Variants in TMEM231 observed in about 807,000 individuals in gnomAD.
TMEM231 encodes transmembrane protein 231.
In TMEM231, 40 loss-of-function variants were observed where a neutral mutation model predicts 38.5. The ratio of observed to expected loss-of-function variants is 1.04; its 90% CI spans 0.81 to 1.35. TMEM231 has a LOEUF of 1.35. Among genes scored for constraint, TMEM231 ranks in the 40% most tolerant of loss-of-function variants. The pLI is 0.00. For synonymous variants in TMEM231, 199 were observed against 181.7 expected (o/e 1.10, Z -0.77); for missense variants, 420 against 416.9 (o/e 1.01, Z -0.07).
In TMEM231 at chr16:75,545,443, G is replaced by A. The variant is rs925674001; in HGVS notation, c.491C>T (p.Pro164Leu). The A allele has an allele frequency of 1.2e-6, 2 of 1,603,722 alleles. No homozygotes were observed. The highest frequency in any genetic ancestry group is 1.1e-5 in the South Asian group (1 of 90,380). ...CACGTATAACTGGGATCCCGGGACA[G>A]GAAAGGAGGACTGGAGAAACGCCAT... ...QSMAFLQSSF[P>L]VPGSQLYVNG... Residue 164 changes from proline (P) to leucine (L), a missense_variant, in exon 4 of 7, where the codon CCT (proline) becomes CTT (leucine). Physicochemically the swap from Pro to Leu is moderately conservative, Grantham distance 98. Transcript: ENST00000258173.
intron 2 of TMEM231, chr16:75,546,217 A>G: frequency 2.0e-6 from 2 of 991,122 alleles, no homozygotes; most frequent in Non-Finnish European, 2.9e-6. Flanking sequence ...ACATCTGGAT[A>G]GTATTTGTGC....
At chr16:75,542,250 G>C (rs2080635770) in intron 5 of TMEM231, among the ~76,000 whole-genome samples, 1 of 148,566 alleles carries the variant, frequency 6.7e-6, no homozygotes, top group Non-Finnish European at 1.5e-5. Flanking sequence ...AGCATGAACA[G>C]CAATTTGTCT....
chr16:75,555,609 T>C (rs1027254974), intron 2 of TMEM231, 195 bp downstream of exon 2: 1 of 536,676 alleles, frequency 1.9e-6, no homozygotes, highest in African/African-American at 2.0e-5. Flanking sequence ...CGGGGACATC[T>C]GGGAGAAGCA....
chr16:75,556,250 T>G lies in TMEM231; in HGVS notation c.-41A>C, dbSNP rs765256905. The G allele has an allele frequency of 7.2e-7, 1 of 1,391,598 alleles. No individual in the cohort carries two copies. The highest frequency in any genetic ancestry group is 9.3e-7 in the Non-Finnish European group (1 of 1,076,912). The allele number at this position is 1,391,598 out of a possible 1,614,324, so 86.2% of individuals were successfully genotyped here. On this transcript the variant is annotated 5_prime_UTR_variant, in exon 1 of 7. Coordinates refer to ENST00000258173, the MANE Select transcript of TMEM231 (RefSeq NM_001077418.3). ...GCACTCCGCGAGCCGGGGGACCAAG[T>G]TTGGCTTCTCCTGGTTGCCATCGCC...
chr16:75,548,258 C>T (rs900743918), intron 2 of TMEM231, among the ~76,000 whole-genome samples: 1 of 152,150 alleles, frequency 6.6e-6, no homozygotes, highest in Non-Finnish European at 1.5e-5. Flanking sequence ...ACAAATCTTC[C>T]TGAAAAACAG....
At chr16:75,555,711 C>A (rs2151710333) in intron 2 of TMEM231, 93 bp downstream of exon 2, 4 of 1,339,082 alleles carry the variant, frequency 3.0e-6, no homozygotes. Context: ...CTGGGCTCCC[C>A]AGGGCCGGGG....
At chr16:75,552,930 C>T (rs535965708) in intron 2 of TMEM231, among the ~76,000 whole-genome samples, 1 of 152,298 alleles carries the variant, frequency 6.6e-6, no homozygotes, top group South Asian at 2.1e-4. Flanking sequence ...CACATGCCTT[C>T]AAGAGCTATG....
chr16:75,555,760 C>A (rs1468110395), intron 2 of TMEM231, 44 bp downstream of exon 2: 1 of 1,464,378 alleles, frequency 6.8e-7, no homozygotes, highest in Admixed American at 2.4e-5. Context: ...CCCATCCCCA[C>A]CCTATCCCCG....
intron 2 of TMEM231, among the ~76,000 whole-genome samples, chr16:75,553,635 A>AG (rs1195756617): frequency 6.6e-6 from 1 of 151,698 alleles, no homozygotes; most frequent in African/African-American, 2.4e-5. Flanking sequence ...AAAAAAAAAA[A>AG]AAAAGAAAAG....
At chr16:75,551,189 C>A (rs2080756485) in intron 2 of TMEM231, among the ~76,000 whole-genome samples, 1 of 152,178 alleles carries the variant, frequency 6.6e-6, no homozygotes, top group South Asian at 2.1e-4. Flanking sequence ...CACCTTTCTA[C>A]CTGTATTTCT....
rs919262965 is a variant in TMEM231 at position 75,537,204 on chromosome 16, A to C, written c.*2790T>G. On this transcript the variant is annotated 3_prime_UTR_variant, in exon 7 of 7. Transcript: ENST00000258173. ...ATGCTTATTACGTGGGTGATGAAAT[A>C]ATCTGTACACCAAACCCCCAGGTTG... is the stretch of plus-strand genomic sequence containing the variant. The C allele has an allele frequency of 2.6e-5, 4 of 152,010 alleles. No individual in the cohort carries two copies. Among genetic ancestry groups the C allele is most frequent in the African/African-American group, 9.7e-5 (4 of 41,430 alleles). The allele number at this position is 152,010 out of a possible 1,614,324, so 9.4% of individuals were successfully genotyped here. A position where few individuals can be genotyped will look rare whatever the true frequency, so the allele number is the denominator to read the frequency against.
chr16:75,546,226 G>A (rs2080689464), intron 2 of TMEM231: 3 of 917,300 alleles, frequency 3.3e-6, no homozygotes, highest in Non-Finnish European at 4.7e-6. Context: ...TAGTATTTGT[G>A]CCTTTCAGTT....
chr16:75,555,815 G>C lies in TMEM231; in HGVS notation c.298C>G (p.Pro100Ala). 1 of 1,546,558 alleles carries C rather than the reference G, an allele frequency of 6.5e-7. No individual in the cohort carries two copies. The highest frequency in any genetic ancestry group is 8.7e-7 in the Non-Finnish European group (1 of 1,144,694). ...NRLQGDRLRV[P>A]LVSTREEDRN... is the part of the protein sequence containing the mutation. ...CGGGAACCACGCACCGAAACGAGCG[G>C]GACGCGCAGGCGATCCCCTTGCAGC... The change falls in exon 2 of 7, where the codon CCG becomes GCG. Residue 100 changes from proline (P) to alanine (A), a missense_variant. Coordinates refer to ENST00000258173, the MANE Select transcript of TMEM231 (RefSeq NM_001077418.3).
At position 75,542,512 on chromosome 16, in the gene TMEM231, C is replaced by A. The variant is rs766018218; in HGVS notation, c.664+90G>T. On this transcript the variant is annotated intron_variant, in intron 5 of 6. Transcript: ENST00000258173. ...CATTCACGGGTTTTGACATTTTCAT[C>A]ACAAGGGTTCCAGTTCTGCTTGTCT... 2.8e-5 allele frequency: 31 copies of A among 1,098,614 alleles called. 1 individual carries two copies. The African/African-American group carries it at 3.5e-4, about 13-fold the overall frequency. The allele number at this position is 1,098,614 out of a possible 1,614,324, so 68.1% of individuals were successfully genotyped here. A position where few individuals can be genotyped will look rare whatever the true frequency, so the allele number is the denominator to read the frequency against.
intron 2 of TMEM231, chr16:75,554,809 G>A (rs949744730): frequency 5.3e-5 from 8 of 152,144 alleles, no homozygotes; most frequent in African/African-American, 1.9e-4. Context: ...AATCATATTA[G>A]GTTGGTGCAA....
rs2080808276 is a variant in TMEM231, at chr16:75,556,122, C to T, written c.88G>A (p.Ala30Thr). Residue 30 changes from alanine to threonine, a missense_variant, in exon 1 of 7, where the codon GCC (alanine) becomes ACC (threonine). Transcript: ENST00000258173. ...CSKAALFLLL[A>T]AALTYIPPLL... Reference sequence around the variant, plus strand: ...GGCGGGATGTACGTGAGCGCAGCGGCCAGCAGCAGGAACAGCGCGGCTTTG... The same window carrying T: ...GGCGGGATGTACGTGAGCGCAGCGGTCAGCAGCAGGAACAGCGCGGCTTTG... 1.3e-6 allele frequency: 2 copies of T among 1,576,472 alleles called. No homozygotes were observed. The highest frequency in any genetic ancestry group is 1.7e-6 in the Non-Finnish European group (2 of 1,162,882).
chr16:75,553,192 C>T (rs969090120), intron 2 of TMEM231, among the ~76,000 whole-genome samples: 1 of 152,174 alleles, frequency 6.6e-6, no homozygotes, highest in African/African-American at 2.4e-5. Context: ...GCCTTCTGGA[C>T]AGTTTCCTGG....
intron 6 of TMEM231, among the ~76,000 whole-genome samples, chr16:75,541,085 C>T (rs930634683): frequency 6.6e-6 from 1 of 152,106 alleles, no homozygotes; most frequent in African/African-American, 2.4e-5. Flanking sequence ...ACAATCATCG[C>T]TCACTGCAAG....
At chr16:75,541,040 G>A (rs1181407166) in intron 6 of TMEM231, among the ~76,000 whole-genome samples, 4 of 152,066 alleles carry the variant, frequency 2.6e-5, no homozygotes, top group Non-Finnish European at 4.4e-5. Context: ...AAGAGGCAGG[G>A]TCTCACTCTG....
Sources: allele counts gnomAD v4.1 joint callset (sites outside exome capture counted in the v4.1 genomes callset), GRCh38; gene constraint gnomAD v4.1.1; transcripts MANE v1.5; gene names NCBI Gene and HGNC (gene_info 2026-07-23, HGNC 2026-07-21).